The following IL1RN variants were observed in gnomAD, a reference collection of about 807,000 sequenced individuals.
IL1RN encodes interleukin-1 receptor antagonist protein.
Under a neutral mutation model 13.7 loss-of-function variants are expected in IL1RN, and 10 were observed. The ratio of observed to expected loss-of-function variants is 0.73; its 90% CI spans 0.45 to 1.24. IL1RN has a LOEUF of 1.24. IL1RN is among the 50% of genes most tolerant of loss of function. The pLI is 0.00. For missense variants in IL1RN, 213 were observed against 222.1 expected, an observed-to-expected ratio of 0.96 and a Z score of 0.26; for synonymous variants, 102 against 82.7, an observed-to-expected ratio of 1.23 and a Z score of -1.27.
intron 2 of IL1RN, 146 bp downstream of exon 2, chr2:113,129,810 G>A: frequency 2.9e-6 from 2 of 690,626 alleles, no homozygotes; most frequent in South Asian, 1.5e-5. Context: ...AAGCTGGGAG[G>A]GCCTGGCTAC....
At chr2:113,117,321 T>C (rs979250476), upstream of IL1RN, among the ~76,000 whole-genome samples, 1 of 152,194 alleles carries the variant, frequency 6.6e-6, no homozygotes, top group Non-Finnish European at 1.5e-5. Context: ...TGCTGTTCCC[T>C]CCACCTGGAA....
intron 3 of IL1RN, 144 bp from the exon 4 acceptor site, chr2:113,132,512 C>A (rs1027219014): frequency 8.5e-6 from 6 of 707,326 alleles, no homozygotes; most frequent in Non-Finnish European, 1.5e-5. Context: ...CAGACAGGAG[C>A]ACCTGGGGGC....
chr2:113,125,125 T>G (rs1339956338), upstream of IL1RN, among the ~76,000 whole-genome samples: 3 of 152,312 alleles, frequency 2.0e-5, no homozygotes, highest in East Asian at 5.8e-4. Flanking sequence ...GGTCTTCCAA[T>G]TCCGGAGGGT....
chr2:113,103,410 C>A (rs546084410), upstream of IL1RN, among the ~76,000 whole-genome samples: 2 of 152,196 alleles, frequency 1.3e-5, no homozygotes, highest in South Asian at 2.1e-4. Flanking sequence ...TAAGAACAAG[C>A]GTTCTCAAAA....
chr2:113,115,275 T>C (rs1019964864), upstream of IL1RN, among the ~76,000 whole-genome samples: 1 of 152,076 alleles, frequency 6.6e-6, no homozygotes. Flanking sequence ...CTCTCAGTCT[T>C]CTCACGGCAT....
At chr2:113,129,531 G>A (rs62158856) in intron 1 of IL1RN, 45 bp from the exon 2 acceptor site, 5 of 1,217,352 alleles carry the variant, frequency 4.1e-6, no homozygotes, top group Non-Finnish European at 6.1e-6. Context: ...ACAAGGCTGG[G>A]CACATGGTGG....
Position 113,127,741 on chromosome 2 carries a change from G to T in IL1RN, c.116+1G>T. 6.2e-7 allele frequency: 1 copy of T among 1,613,500 alleles called. No homozygotes were observed. The highest frequency in any genetic ancestry group is 8.5e-7 in the Non-Finnish European group (1 of 1,179,810). On this transcript the variant is annotated splice_donor_variant, in intron 1 of 3. Coordinates refer to ENST00000409930, the MANE Select transcript of IL1RN (RefSeq NM_173842.3). LOFTEE classifies it high-confidence loss of function. ...AATCCAGCAAGATGCAAGCCTTCAG[G>T]TAAGGCTACCCCAAGGAGGAGAAGG...
At chr2:113,127,592 A>G (rs1558867361), upstream of IL1RN, 2 of 1,612,156 alleles carry the variant, frequency 1.2e-6, no homozygotes, top group Admixed American at 1.7e-5. Flanking sequence ...CTGGGCCCGC[A>G]ATGGCAGTCC....
At chr2:113,101,004 G>T in the IL1RN span, among the ~76,000 whole-genome samples, 4 of 152,220 alleles carry the variant, frequency 2.6e-5, no homozygotes, top group Non-Finnish European at 5.9e-5. Context: ...AGCTTTCAAA[G>T]AGGTGGCTTT....
Position 113,121,147 on chromosome 2 carries a change from G to A in IL1RN, c.73+1019G>A, listed in dbSNP as rs541380949. On this transcript the variant is annotated intron_variant, in intron 2 of 5. Transcript: ENST00000259206. ...CCTCTTATTCTTCTTCATCGTCTTC[G>A]TCTTCGTCTTCTTTTTATTTTCAAA... Among the ~76,000 whole-genome samples, 82 of 135,286 alleles carry A rather than the reference G, an allele frequency of 6.1e-4. 1 individual carries two copies. Among genetic ancestry groups the A allele is most frequent in the Middle Eastern group, 3.9e-3 (1 of 256 alleles). 88.8% of individuals were successfully genotyped at this position (135,286 alleles called of 152,430 possible).
chr2:113,124,403 C>T (rs1436710156), upstream of IL1RN, among the ~76,000 whole-genome samples: 1 of 151,302 alleles, frequency 6.6e-6, no homozygotes, highest in Non-Finnish European at 1.5e-5. Flanking sequence ...TTCCCTTGTC[C>T]CCTTTCTTCC....
At chr2:113,100,246 A>T in the IL1RN span, among the ~76,000 whole-genome samples, 1 of 150,950 alleles carries the variant, frequency 6.6e-6, no homozygotes, top group African/African-American at 2.4e-5. Flanking sequence ...GAATGGCATG[A>T]ACCTGGGAGG....
intron 2 of IL1RN, chr2:113,121,446 A>AG (rs1686781033): frequency 2.0e-6 from 2 of 985,232 alleles, no homozygotes; most frequent in Admixed American, 1.2e-4. Context: ...TCCTGTCTGC[A>AG]GGGGGATTAT....
upstream of IL1RN, among the ~76,000 whole-genome samples, chr2:113,116,177 C>T (rs1237254386): frequency 1.3e-5 from 2 of 152,172 alleles, no homozygotes; most frequent in Non-Finnish European, 2.9e-5. Context: ...CCAGAGCCCA[C>T]CTTAATGTGT....
chr2:113,121,062 C>CTT (rs1686761793), intron 2 of IL1RN, among the ~76,000 whole-genome samples: 1 of 122,870 alleles, frequency 8.1e-6, no homozygotes, highest in African/African-American at 2.9e-5. Flanking sequence ...TCTTCTTCCT[C>CTT]CTCCTCCTCC....
chr2:113,127,205 C>T (rs1346782240), upstream of IL1RN, among the ~76,000 whole-genome samples: 1 of 152,190 alleles, frequency 6.6e-6, no homozygotes, highest in African/African-American at 2.4e-5. Flanking sequence ...TGACATGAGA[C>T]TGTCCCATGT....
intron 2 of IL1RN, among the ~76,000 whole-genome samples, chr2:113,122,091 T>C (rs1037943885): frequency 3.9e-5 from 6 of 152,218 alleles, no homozygotes; most frequent in Non-Finnish European, 8.8e-5. Flanking sequence ...GATTCAAGTG[T>C]TGGCCGAAGC....
Position 113,132,941 on chromosome 2 carries a change from C to T in IL1RN, c.*70C>T. The stretch of plus-strand genomic sequence containing the variant: ...GCAGGGACTGCCAGTCCCCCTGCCC[C>T]AGGGCTCCCGGCTATGGGGGCACTG... On this transcript the variant is annotated 3_prime_UTR_variant, in exon 4 of 4. Transcript: ENST00000409930. The T allele has an allele frequency of 6.7e-7, 1 of 1,493,904 alleles. No individual in the cohort carries two copies. 92.5% of individuals were successfully genotyped at this position (1,493,904 alleles called of 1,614,324 possible). A position where few individuals can be genotyped will look rare whatever the true frequency, so the allele number is the denominator to read the frequency against.
chr2:113,107,324 T>A (rs1179593079), upstream of IL1RN: 1 of 152,362 alleles, frequency 6.6e-6, no homozygotes, highest in South Asian at 2.1e-4. Context: ...ACAAGTGGAA[T>A]GACAGCTGAC....
Sources: allele counts gnomAD v4.1 joint callset (sites outside exome capture counted in the v4.1 genomes callset), GRCh38; gene constraint gnomAD v4.1.1; transcripts MANE v1.5; gene names NCBI Gene and HGNC (gene_info 2026-07-23, HGNC 2026-07-21).